The following PIGK variants were observed in gnomAD, a reference collection of about 807,000 sequenced individuals.
PIGK encodes the protein phosphatidylinositol glycan anchor biosynthesis class K, also known as GPI-anchor transamidase.
Under a neutral mutation model 50.6 loss-of-function variants are expected in PIGK, and 42 were observed. That is an observed-to-expected ratio of 0.83 (90% CI 0.65 to 1.07). The LOEUF is 1.07. Among genes scored for constraint, PIGK ranks in the 50% least tolerant of loss-of-function variants. PIGK has a pLI of 0.00. For synonymous variants in PIGK, 151 were observed against 156.0 expected, an observed-to-expected ratio of 0.97 and a Z score of 0.24; for missense variants, 448 against 488.7, an observed-to-expected ratio of 0.92 and a Z score of 0.78.
chr1:77,213,712 A>G (rs367952995), intron 1 of PIGK, among the ~76,000 whole-genome samples: 38 of 152,224 alleles, frequency 2.5e-4, no homozygotes, highest in East Asian at 1.9e-3. Flanking sequence ...GAAATAAACA[A>G]AAGAGAATTA....
intron 9 of PIGK, among the ~76,000 whole-genome samples, chr1:77,131,600 AC>A (rs1265786119): frequency 6.6e-6 from 1 of 152,094 alleles, no homozygotes; most frequent in Non-Finnish European, 1.5e-5. Context: ...TTTTTAAAAA[AC>A]ATTATCATTT....
At chr1:77,132,826 A>G (rs1164214260) in intron 9 of PIGK, among the ~76,000 whole-genome samples, 1 of 152,068 alleles carries the variant, frequency 6.6e-6, no homozygotes, top group Non-Finnish European at 1.5e-5. Context: ...TGATAGGTTA[A>G]AAGTTTTCTT....
At position 77,137,074 on chromosome 1, in the gene PIGK, T is replaced by C. The variant is rs546136663; in HGVS notation, c.987-14715A>G. ...TTTTACTTGGATTTGTGATTCCTTC[T>C]GCACAATAGGATGCAGCAAGAATAA... On this transcript the variant is annotated intron_variant, in intron 9 of 10. Transcript: ENST00000370812. 2.0e-5 allele frequency among the ~76,000 whole-genome samples: 3 copies of C among 152,352 alleles called. No homozygotes were observed. In the South Asian group the frequency reaches 6.2e-4, roughly 32 times the overall value.
At chr1:77,211,448 C>A in intron 1 of PIGK, among the ~76,000 whole-genome samples, 1 of 151,772 alleles carries the variant, frequency 6.6e-6, no homozygotes, top group Non-Finnish European at 1.5e-5. Context: ...CTGATAATTC[C>A]TCTATTAAAG....
intron 8 of PIGK, among the ~76,000 whole-genome samples, chr1:77,155,260 T>C (rs1654983101): frequency 6.6e-6 from 1 of 152,170 alleles, no homozygotes; most frequent in African/African-American, 2.4e-5. Context: ...CTCCAAAGAA[T>C]ACAGTCTGAA....
chr1:77,106,892 T>G (rs551594179), intron 10 of PIGK, among the ~76,000 whole-genome samples: 1 of 152,196 alleles, frequency 6.6e-6, no homozygotes, highest in South Asian at 2.1e-4. Flanking sequence ...GTTTATAGTA[T>G]TCTCTGATGG....
intron 3 of PIGK, among the ~76,000 whole-genome samples, chr1:77,185,768 C>T (rs1436091830): frequency 6.6e-6 from 1 of 152,218 alleles, no homozygotes; most frequent in African/African-American, 2.4e-5. Context: ...CTTGAGGTGT[C>T]AGTGGCAAGC....
At chr1:77,126,312 C>G (rs1413677389) in intron 9 of PIGK, among the ~76,000 whole-genome samples, 1 of 151,926 alleles carries the variant, frequency 6.6e-6, no homozygotes, top group African/African-American at 2.4e-5. Flanking sequence ...GCTTCTTTTT[C>G]TGTTGAGGAT....
At chr1:77,111,566 T>C (rs911337395) in intron 10 of PIGK, among the ~76,000 whole-genome samples, 3 of 141,680 alleles carry the variant, frequency 2.1e-5, no homozygotes, top group South Asian at 2.2e-4. Context: ...ATGAGAACAC[T>C]TGGACACAGG....
chr1:77,186,285 G>A (rs2100572458), intron 3 of PIGK, among the ~76,000 whole-genome samples: 1 of 152,346 alleles, frequency 6.6e-6, no homozygotes, highest in Middle Eastern at 3.4e-3. Context: ...CCTGAAAGTG[G>A]ACAGCTGCAG....
chr1:77,108,338 T>C (rs906316116), intron 10 of PIGK, among the ~76,000 whole-genome samples: 8 of 152,214 alleles, frequency 5.3e-5, no homozygotes, highest in African/African-American at 1.7e-4. Context: ...TTATATCTCC[T>C]TCACTTATGA....
At position 77,175,940 on chromosome 1, in the gene PIGK, T is replaced by G. The variant is rs558566858; in HGVS notation, c.240-6545A>C. 3.4e-4 allele frequency among the ~76,000 whole-genome samples: 51 copies of G among 152,232 alleles called. 1 individual carries two copies. Among genetic ancestry groups the G allele is most frequent in the African/African-American group, 1.2e-3 (50 of 41,564 alleles). On this transcript the variant is annotated intron_variant, in intron 3 of 10. Transcript: ENST00000370812. ...TAAAAATTGAGGTTGACATTAATAG[T>G]AGACTTATGAAAGGGTGAAATTTGG...
intron 3 of PIGK, among the ~76,000 whole-genome samples, chr1:77,169,744 G>A (rs968871929): frequency 2.6e-5 from 4 of 152,110 alleles, no homozygotes; most frequent in Non-Finnish European, 5.9e-5. Context: ...TATACTTTAT[G>A]CCACATAGCA....
intron 10 of PIGK, among the ~76,000 whole-genome samples, chr1:77,096,269 T>C (rs911430038): frequency 4.6e-5 from 7 of 152,196 alleles, no homozygotes; most frequent in Non-Finnish European, 8.8e-5. Flanking sequence ...ATTCATCCAA[T>C]TGTATGTTAG....
intron 10 of PIGK, among the ~76,000 whole-genome samples, chr1:77,118,314 T>C (rs934319015): frequency 6.6e-6 from 1 of 151,856 alleles, no homozygotes; most frequent in African/African-American, 2.4e-5. Context: ...CGCAGCTCAC[T>C]GTAACCTCAA....
intron 2 of PIGK, among the ~76,000 whole-genome samples, chr1:77,208,393 G>C (rs1264588358): frequency 1.3e-5 from 2 of 152,152 alleles, no homozygotes; most frequent in African/African-American, 2.4e-5. Flanking sequence ...AAATTGAAGA[G>C]AGGTTTGGTT....
intron 10 of PIGK, among the ~76,000 whole-genome samples, chr1:77,122,040 T>C (rs1306067654): frequency 6.6e-6 from 1 of 152,194 alleles, no homozygotes; most frequent in Non-Finnish European, 1.5e-5. Context: ...AGATAATCCT[T>C]ATTTTATCCC....
At chr1:77,110,910 A>G (rs897621730) in intron 10 of PIGK, among the ~76,000 whole-genome samples, 1 of 152,216 alleles carries the variant, frequency 6.6e-6, no homozygotes, top group Non-Finnish European at 1.5e-5. Context: ...AAACAAATTT[A>G]CAAGAAAAAA....
chr1:77,109,831 G>A (rs528558320), intron 10 of PIGK, among the ~76,000 whole-genome samples: 58 of 152,328 alleles, frequency 3.8e-4, no homozygotes, highest in African/African-American at 1.3e-3. Context: ...GTCCCTGTTT[G>A]CAGATGACAT....
Sources: gnomAD v4.1 joint callset for allele counts (sites outside exome capture counted in the v4.1 genomes callset) on GRCh38, gnomAD v4.1.1 for gene constraint, MANE v1.5 for transcripts, NCBI Gene and HGNC (gene_info 2026-07-23, HGNC 2026-07-21) for gene names.